Variants in THSD7A observed in about 807,000 individuals in gnomAD.
THSD7A encodes the protein thrombospondin type 1 domain containing 7A, also known as thrombospondin type-1 domain-containing protein 7A.
THSD7A carries 96 observed loss-of-function variants against 231.3 expected under a neutral mutation model. The ratio of observed to expected loss-of-function variants is 0.41; its 90% CI spans 0.35 to 0.49. The LOEUF is 0.49. Ranked by LOEUF, THSD7A falls within the 20% of genes least tolerant of loss-of-function variation. THSD7A has a pLI of 0.05. For missense variants in THSD7A, 2,290 were observed against 2,070.2 expected, an observed-to-expected ratio of 1.11 and a Z score of -2.06; for synonymous variants, 940 against 743.3, an observed-to-expected ratio of 1.26 and a Z score of -4.30.
At chr7:11,572,946 G>A (rs1311600855) in intron 4 of THSD7A, among the ~76,000 whole-genome samples, 1 of 152,030 alleles carries the variant, frequency 6.6e-6, no homozygotes, top group Non-Finnish European at 1.5e-5. Flanking sequence ...AGAGAACCTC[G>A]ATTATGTCAT....
Position 11,469,864 on chromosome 7 carries a change from C to T in THSD7A, c.2368+15G>A. The T allele has an allele frequency of 1.3e-6, 2 of 1,551,972 alleles. No homozygotes were observed. Among genetic ancestry groups the T allele is most frequent in the Non-Finnish European group, 1.8e-6 (2 of 1,136,552 alleles). On this transcript the variant is annotated intron_variant, in intron 9 of 27. Transcript: ENST00000423059. ...TTTTCTAGGTGAACAGCCTTCCTAA[C>T]TCTGCAGACCATACCTTCTTTACAC...
intron 1 of THSD7A, among the ~76,000 whole-genome samples, chr7:11,723,003 T>C (rs1236266347): frequency 1.3e-5 from 2 of 151,996 alleles, no homozygotes; most frequent in Middle Eastern, 3.2e-3. Context: ...TTATAAATCA[T>C]GCTGCTATAA....
chr7:11,479,790 C>A (rs1231192057), intron 7 of THSD7A, among the ~76,000 whole-genome samples: 1 of 152,072 alleles, frequency 6.6e-6, no homozygotes. Context: ...CATAATTATA[C>A]CAGCTTTTAT....
intron 1 of THSD7A, among the ~76,000 whole-genome samples, chr7:11,765,069 G>A (rs1183570259): frequency 6.6e-6 from 1 of 150,976 alleles, no homozygotes; most frequent in Admixed American, 6.6e-5. Context: ...TTTATTAAAA[G>A]TGATAATTCA....
At chr7:11,514,573 A>C (rs1787948616) in intron 6 of THSD7A, among the ~76,000 whole-genome samples, 1 of 152,016 alleles carries the variant, frequency 6.6e-6, no homozygotes, top group African/African-American at 2.4e-5. Flanking sequence ...TTTATGAGTA[A>C]ATTTCTATAT....
rs1786091127 is a variant in THSD7A, at chr7:11,474,827, A to G, written c.2018-259T>C. 6.6e-6 allele frequency among the ~76,000 whole-genome samples: 1 copy of G among 152,174 alleles called. No individual in the cohort carries two copies. Among genetic ancestry groups the G allele is most frequent in the African/African-American group, 2.4e-5 (1 of 41,450 alleles). ...GGAGATAAGGATACAAATGAGTATA[A>G]TTCTAGATAGAATGAAATAATTATA... On this transcript the variant is annotated intron_variant, in intron 7 of 27. Transcript: ENST00000423059. This position sits in a 1 kb window ranked among gnomAD's most constrained non-coding sequence, Gnocchi z 4.1.
chr7:11,512,281 A>T (rs1278584162), intron 6 of THSD7A, among the ~76,000 whole-genome samples: 1 of 152,160 alleles, frequency 6.6e-6, no homozygotes, highest in East Asian at 1.9e-4. Flanking sequence ...AAAGTCAGGA[A>T]GCAACAGGTG....
At chr7:11,546,788 G>C (rs1789418477) in intron 4 of THSD7A, among the ~76,000 whole-genome samples, 1 of 152,102 alleles carries the variant, frequency 6.6e-6, no homozygotes, top group Non-Finnish European at 1.5e-5. Flanking sequence ...AGATTCAGGA[G>C]AAAGTTGAAA....
chr7:11,643,589 C>A (rs1439114870), intron 1 of THSD7A, among the ~76,000 whole-genome samples: 7 of 83,984 alleles, frequency 8.3e-5, no homozygotes, highest in Non-Finnish European at 1.5e-4. Context: ...AACAGATACA[C>A]CACACGCACG....
chr7:11,804,572 T>C lies in THSD7A; in HGVS notation c.190+27185A>G, dbSNP rs115793548. Among the ~76,000 whole-genome samples, 530 of 152,314 alleles carry C rather than the reference T, an allele frequency of 3.5e-3. 1 individual carries two copies. Among genetic ancestry groups the C allele is most frequent in the Middle Eastern group, 0.02 (6 of 294 alleles). On this transcript the variant is annotated intron_variant, in intron 1 of 27. Coordinates refer to ENST00000423059, the MANE Select transcript of THSD7A (RefSeq NM_015204.3). Reference sequence around the variant, plus strand: ...TAAAAGTGATACACAAAGTGCTATATACAGTGTTCCAATCTGCATGGGTTA... The same window carrying C: ...TAAAAGTGATACACAAAGTGCTATACACAGTGTTCCAATCTGCATGGGTTA...
chr7:11,799,137 G>A (rs1249798265), intron 1 of THSD7A, among the ~76,000 whole-genome samples: 2 of 152,048 alleles, frequency 1.3e-5, no homozygotes, highest in African/African-American at 4.8e-5. Context: ...TGGCCAGGAT[G>A]GTCTCGATCT....
rs1045710585 is a variant in THSD7A, at chr7:11,690,233, C to T, written c.191-53272G>A. Among the ~76,000 whole-genome samples, 10 of 151,810 alleles carry T rather than the reference C, an allele frequency of 6.6e-5. No homozygotes were observed. The East Asian group carries it at 1.8e-3, about 27-fold the overall frequency. ...AGCAAAGGACATATTCACCTTGGTT[C>T]AAGAGGGTGTCAGGTAGTCATGTAT... On this transcript the variant is annotated intron_variant, in intron 1 of 27. Transcript: ENST00000423059.
At chr7:11,561,591 C>A (rs908521290) in intron 4 of THSD7A, among the ~76,000 whole-genome samples, 1 of 152,166 alleles carries the variant, frequency 6.6e-6, no homozygotes, top group Non-Finnish European at 1.5e-5. Context: ...GAAACTGAGG[C>A]CAGGTGTGTT....
intron 1 of THSD7A, among the ~76,000 whole-genome samples, chr7:11,674,867 A>G (rs11983036): frequency 0.053 from 8,105 of 152,102 alleles, 714 homozygotes; most frequent in African/African-American, 0.18. Flanking sequence ...TAACGAGGAA[A>G]CTCAGTGAGA....
intron 6 of THSD7A, among the ~76,000 whole-genome samples, chr7:11,535,606 C>T (rs982788306): frequency 6.6e-6 from 1 of 151,590 alleles, no homozygotes; most frequent in African/African-American, 2.4e-5. Flanking sequence ...ATTTCAAACA[C>T]ATTAGAAGAC....
At chr7:11,392,847 A>C (rs565250977) in intron 23 of THSD7A, among the ~76,000 whole-genome samples, 9 of 152,326 alleles carry the variant, frequency 5.9e-5, no homozygotes, top group Middle Eastern at 6.8e-3. Flanking sequence ...CTTCTCCCTG[A>C]GCAGGGCATC....
intron 9 of THSD7A, among the ~76,000 whole-genome samples, chr7:11,467,004 C>G (rs1484734913): frequency 6.6e-6 from 1 of 152,086 alleles, no homozygotes; most frequent in East Asian, 1.9e-4. Flanking sequence ...ACCCGCATAA[C>G]ACGATTCAGT....
In THSD7A at chr7:11,765,055, T is replaced by C. The variant is rs1005562882; in HGVS notation, c.190+66702A>G. On this transcript the variant is annotated intron_variant, in intron 1 of 27. Coordinates refer to ENST00000423059, the MANE Select transcript of THSD7A (RefSeq NM_015204.3). ...ATATGTGGCATAAGAAATGTATAAA[T>C]CTTTTTATTAAAAGTGATAATTCAA... Among the ~76,000 whole-genome samples, 13 of 152,064 alleles carry C rather than the reference T, an allele frequency of 8.5e-5. No individual in the cohort carries two copies. In the East Asian group the frequency reaches 2.5e-3, roughly 30 times the overall value.
intron 1 of THSD7A, chr7:11,821,255 A>T (rs1157438165): frequency 1.8e-6 from 2 of 1,110,244 alleles, no homozygotes; most frequent in Non-Finnish European, 2.8e-6. Flanking sequence ...CTACGCTGAG[A>T]CTGAGCTGAC....
Sources: gnomAD v4.1 joint callset for allele counts (sites outside exome capture counted in the v4.1 genomes callset) on GRCh38, gnomAD v4.1.1 for gene constraint, Gnocchi (gnomAD v3.1) non-coding constraint, MANE v1.5 for transcripts, NCBI Gene and HGNC (gene_info 2026-07-23, HGNC 2026-07-21) for gene names.